The following A2ML1 variants were observed in gnomAD, a reference collection of about 807,000 sequenced individuals.
A2ML1 encodes alpha-2-macroglobulin like 1.
A2ML1 carries 161 observed loss-of-function variants against 181.9 expected under a neutral mutation model. That is an observed-to-expected ratio of 0.89 (90% CI 0.78 to 1.01). The LOEUF (loss-of-function observed/expected upper bound fraction) is 1.01, where lower values mean the gene tolerates loss of function less well. A2ML1 is among the 50% of genes least tolerant of loss of function. The pLI is 0.00. For synonymous variants in A2ML1, 663 were observed against 666.8 expected (o/e 0.99, Z 0.09); for missense variants, 1,670 against 1,768.1 (o/e 0.94, Z 1.00).
At chr12:8,834,604 ACTTATT>A (rs1281031696) in intron 4 of A2ML1, 52 bp from the exon 5 acceptor site, 12 of 1,600,488 alleles carry the variant, frequency 7.5e-6, no homozygotes, top group Admixed American at 3.4e-5. Context: ...CTTTCAGCAA[ACTTATT>A]CTTATTGCTG....
At position 8,848,872 on chromosome 12, in the gene A2ML1, GCC is replaced by G; in HGVS notation, c.1988_1989del (p.Pro663LeufsTer4). ...HSSQRSIIWR[P>X]SFSEGTDLFS... The stretch of plus-strand genomic sequence containing the variant: ...CGAGCCAGCGTTCCATTATCTGGAG[GCC>G]CTCGTTCTCTGAAGGCACGGACCTT... On this transcript the variant is annotated frameshift_variant, in exon 16 of 36. Transcript: ENST00000299698. LOFTEE classifies it high-confidence loss of function. 1 of 1,614,092 alleles carries G rather than the reference GCC, an allele frequency of 6.2e-7. No homozygotes were observed. The highest frequency in any genetic ancestry group is 8.5e-7 in the Non-Finnish European group (1 of 1,180,010).
At chr12:8,848,261 A>G (rs1387244347) in intron 15 of A2ML1, among the ~76,000 whole-genome samples, 3 of 152,110 alleles carry the variant, frequency 2.0e-5, no homozygotes, top group Non-Finnish European at 4.4e-5. Flanking sequence ...CAGGCAGATC[A>G]CCTGAGGTCT....
intron 7 of A2ML1, among the ~76,000 whole-genome samples, chr12:8,882,455 GCA>G (rs1352176516): frequency 6.6e-6 from 1 of 152,122 alleles, no homozygotes; most frequent in East Asian, 1.9e-4. Context: ...CACATTTGGA[GCA>G]CAGAGAACTT....
At chr12:8,874,608 T>C in intron 34 of A2ML1, 81 bp downstream of exon 34, 1 of 1,090,022 alleles carries the variant, frequency 9.2e-7, no homozygotes. Context: ...TCATGGCTTC[T>C]CTCTTAATTT....
intron 7 of A2ML1, among the ~76,000 whole-genome samples, chr12:8,836,612 T>C (rs1344056578): frequency 1.3e-5 from 2 of 149,810 alleles, no homozygotes; most frequent in African/African-American, 4.9e-5. Context: ...ACCTCTAGAG[T>C]AGCTGGGATC....
At chr12:8,854,517 T>A (rs1226002419) in intron 21 of A2ML1, among the ~76,000 whole-genome samples, 1 of 152,200 alleles carries the variant, frequency 6.6e-6, no homozygotes, top group African/African-American at 2.4e-5. Context: ...TTTCGTCCCA[T>A]CATGAAGCCC....
rs189779429 is a variant in A2ML1, at chr12:8,833,010, G to A, written c.463-1652G>A. ...TTTTTTTGAGACGGAGTTTCGCTGC[G>A]TTGCCCAGGTTGGAGTGCAGTAGCG... On this transcript the variant is annotated intron_variant, in intron 4 of 35. Coordinates refer to ENST00000299698, the MANE Select transcript of A2ML1 (RefSeq NM_144670.6). 3.0e-3 allele frequency among the ~76,000 whole-genome samples: 399 copies of A among 132,908 alleles called. 2 individuals carry two copies. Among genetic ancestry groups the A allele is most frequent in the African/African-American group, 0.011 (378 of 35,858 alleles). The allele number at this position is 132,908 out of a possible 152,430, so 87.2% of individuals were successfully genotyped here.
In A2ML1 at chr12:8,841,362, C is replaced by T. The variant is rs1265945898; in HGVS notation, c.1081-7C>T. The T allele has an allele frequency of 1.2e-6, 2 of 1,613,056 alleles. No individual in the cohort carries two copies. The highest frequency in any genetic ancestry group is 1.7e-5 in the Admixed American group (1 of 59,842). On this transcript the variant is annotated splice_region_variant and splice_polypyrimidine_tract_variant and intron_variant, in intron 10 of 35. Coordinates refer to ENST00000299698, the MANE Select transcript of A2ML1 (RefSeq NM_144670.6). ...AATTCTAATCCGTAATGATCTTTGTCCTTCAGATAAGAGTTAGGGGCCATG... is the reference window on the plus strand; with the variant it reads ...AATTCTAATCCGTAATGATCTTTGTTCTTCAGATAAGAGTTAGGGGCCATG...
Position 8,857,566 on chromosome 12 carries a change from C to T in A2ML1, c.3085C>T (p.Arg1029Ter), listed in dbSNP as rs546427345. The change falls in exon 25 of 36, where the codon CGA becomes TGA. Residue 1029 changes from arginine (R) to a stop codon, truncating the protein, a stop_gained. Coordinates refer to ENST00000299698, the MANE Select transcript of A2ML1 (RefSeq NM_144670.6). LOFTEE classifies it high-confidence loss of function. ...SNGSYSAFGE[R>*]DGNGNTWLTA... ...TGGCTCATACAGTGCCTTTGGGGAGCGAGATGGAAATGGAAACACATGGTA... is the reference window on the plus strand; with the variant it reads ...TGGCTCATACAGTGCCTTTGGGGAGTGAGATGGAAATGGAAACACATGGTA... The T allele has an allele frequency of 1.7e-5, 27 of 1,611,428 alleles. No individual in the cohort carries two copies. Among genetic ancestry groups the T allele is most frequent in the South Asian group, 4.4e-5 (4 of 90,492 alleles).
chr12:8,830,980 A>G (rs1267000124), intron 4 of A2ML1: 6 of 145,460 alleles, frequency 4.1e-5, no homozygotes, highest in African/African-American at 1.5e-4. Context: ...ACAAGGTCTC[A>G]TTCTGTCACC....
chr12:8,841,327 C>T (rs777724322), intron 10 of A2ML1, 42 bp from the exon 11 acceptor site: 3 of 1,591,006 alleles, frequency 1.9e-6, no homozygotes, highest in Non-Finnish European at 2.6e-6. Context: ...CTCAAGCTTA[C>T]TCCAAACCTA....
chr12:8,873,642 C>T (rs777327052), intron 33 of A2ML1, among the ~76,000 whole-genome samples: 209 of 152,056 alleles, frequency 1.4e-3, no homozygotes, highest in African/African-American at 4.8e-3. Context: ...TGCTATGCAG[C>T]ATAAGGGGAT....
intron 33 of A2ML1, among the ~76,000 whole-genome samples, chr12:8,870,330 C>G (rs1454667274): frequency 6.6e-6 from 1 of 152,070 alleles, no homozygotes; most frequent in Non-Finnish European, 1.5e-5. Context: ...TGCAGTGGCA[C>G]AATCTCAGCT....
rs374926093 is a variant in A2ML1, at chr12:8,845,532, A to T, written c.1537+30A>T. On this transcript the variant is annotated intron_variant, in intron 13 of 35. Transcript: ENST00000299698. ...GTGTACATGCTTTTCCCGGAAGCAA[A>T]CAGGATATTTTTAAATTCCAGAAAA... The T allele has an allele frequency of 6.3e-5, 101 of 1,612,970 alleles. No homozygotes were observed. The African/African-American group carries it at 1.3e-3, about 20-fold the overall frequency.
intron 2 of A2ML1, 32 bp from the exon 3 acceptor site, chr12:8,823,688 A>T: frequency 6.2e-7 from 1 of 1,602,278 alleles, no homozygotes; most frequent in Non-Finnish European, 8.5e-7. Flanking sequence ...CCAATCCCTT[A>T]CCCCTCCCCA....
Position 8,857,250 on chromosome 12 carries a change from G to C in A2ML1, c.2935G>C (p.Ala979Pro). Residue 979 changes from alanine to proline, a missense_variant, in exon 24 of 36, where the codon GCT becomes CCT. Ala to Pro is a conservative substitution (Grantham distance 27). Coordinates refer to ENST00000299698, the MANE Select transcript of A2ML1 (RefSeq NM_144670.6). Reference sequence around the variant, plus strand: ...TGGCGAGCAGAACATGGTCTTGTTTGCTCCCATCATCTATGTCTTGCAGTA... The same window carrying C: ...TGGCGAGCAGAACATGGTCTTGTTTCCTCCCATCATCTATGTCTTGCAGTA... ...GCGEQNMVLF[A>P]PIIYVLQYLE... 1 of 1,613,590 alleles carries C rather than the reference G, an allele frequency of 6.2e-7. No individual in the cohort carries two copies. The highest frequency in any genetic ancestry group is 8.5e-7 in the Non-Finnish European group (1 of 1,180,004).
Position 8,861,297 on chromosome 12 carries a change from G to C in A2ML1, c.3502G>C (p.Gly1168Arg), listed in dbSNP as rs1944254769. 6.2e-7 allele frequency: 1 copy of C among 1,613,860 alleles called. No homozygotes were observed. The highest frequency in any genetic ancestry group is 1.1e-5 in the South Asian group (1 of 91,016). The change falls in exon 28 of 36, where the codon GGA becomes CGA. Residue 1168 changes from glycine (G) to arginine (R), a missense_variant and splice_region_variant. Transcript: ENST00000299698. ...GTTAGATCAACAGGCTATCATCTCA[G>C]GTATGTTGGTCCTGTTGAGAGTTCT... ...KQLDQQAIIS[G>R]ESIYWSQKPT...
intron 33 of A2ML1, 67 bp downstream of exon 33, chr12:8,869,270 C>A: frequency 6.6e-7 from 1 of 1,509,004 alleles, no homozygotes; most frequent in South Asian, 1.1e-5. Context: ...CCCTTCTAAT[C>A]TGTATATACG....
chr12:8,842,542 T>A (rs1344455), intron 11 of A2ML1, among the ~76,000 whole-genome samples: 148,970 of 152,254 alleles, frequency 0.98, 72,951 homozygotes, highest in East Asian at 1. Context: ...TTAACACCCC[T>A]TTCCCAACAA....
Sources: allele counts gnomAD v4.1 joint callset (sites outside exome capture counted in the v4.1 genomes callset), GRCh38; gene constraint gnomAD v4.1.1; transcripts MANE v1.5; gene names NCBI Gene and HGNC (gene_info 2026-07-23, HGNC 2026-07-21).